CNTNAP5: variants seen among roughly 807,000 people sequenced by gnomAD.
CNTNAP5 encodes contactin associated protein family member 5, also known as contactin-associated protein-like 5.
In CNTNAP5, 72 loss-of-function variants were observed where a neutral mutation model predicts 150.2. The ratio of observed to expected loss-of-function variants is 0.48; its 90% confidence interval spans 0.40 to 0.58. The LOEUF (loss-of-function observed/expected upper bound fraction) is 0.58, where lower values mean the gene tolerates loss of function less well. Ranked by LOEUF, CNTNAP5 falls within the 20% of genes least tolerant of loss-of-function variation. CNTNAP5 has a pLI of 0.00. For synonymous variants in CNTNAP5, 672 were observed against 619.8 expected (o/e 1.08, Z -1.25); for missense variants, 1,636 against 1,626.2 (o/e 1.01, Z -0.10).
intron 3 of CNTNAP5, among the ~76,000 whole-genome samples, chr2:124,337,590 G>A (rs1032165237): frequency 4.6e-5 from 7 of 152,072 alleles, no homozygotes; most frequent in East Asian, 1.9e-4. Context: ...CTTTGTACAT[G>A]TGGCTAGCCA....
intron 3 of CNTNAP5, among the ~76,000 whole-genome samples, chr2:124,401,871 C>T (rs1040761652): frequency 1.3e-5 from 2 of 152,128 alleles, no homozygotes; most frequent in Non-Finnish European, 1.5e-5. Flanking sequence ...CTGCCTGGGG[C>T]CAGGTGCTGG....
At chr2:124,095,399 G>T (rs963796248) in intron 1 of CNTNAP5, among the ~76,000 whole-genome samples, 6 of 152,122 alleles carry the variant, frequency 3.9e-5, no homozygotes, top group Non-Finnish European at 8.8e-5. Flanking sequence ...ATGCATGCGG[G>T]TCTTAAAAGC....
intron 13 of CNTNAP5, among the ~76,000 whole-genome samples, chr2:124,706,786 AAGAAGAAGAAGG>A (rs1368846085): frequency 9.0e-5 from 3 of 33,206 alleles, no homozygotes; most frequent in Non-Finnish European, 1.9e-4. Context: ...GAAGAAGAAG[AAGAAGAAGAAGG>A]AGGAGGAGGA....
intron 3 of CNTNAP5, among the ~76,000 whole-genome samples, chr2:124,279,730 T>C (rs1687967844): frequency 6.6e-6 from 1 of 152,024 alleles, no homozygotes; most frequent in South Asian, 2.1e-4. Flanking sequence ...CGGCTGTAAA[T>C]AGGGTAGAGA....
intron 12 of CNTNAP5, among the ~76,000 whole-genome samples, chr2:124,614,149 G>A (rs1437556337): frequency 6.6e-6 from 1 of 152,178 alleles, no homozygotes; most frequent in African/African-American, 2.4e-5. Flanking sequence ...TGAAAGTGCT[G>A]TAGTTTTAAT....
chr2:124,835,676 T>G lies in CNTNAP5; in HGVS notation c.3218-29630T>G, dbSNP rs72963824. 4.9e-3 allele frequency among the ~76,000 whole-genome samples: 743 copies of G among 152,272 alleles called. 9 individuals are homozygous for G. Among genetic ancestry groups the G allele is most frequent in the African/African-American group, 0.017 (704 of 41,560 alleles). On this transcript the variant is annotated intron_variant, in intron 19 of 23. Coordinates refer to ENST00000682447, the MANE Select transcript of CNTNAP5 (RefSeq NM_001367498.1). ...CTGGACAATTACTGTTTGTAGGATA[T>G]CTGTTATATGGTGTGCAAGCCTGGA...
chr2:124,551,015 A>G (rs1050142329), intron 10 of CNTNAP5, among the ~76,000 whole-genome samples: 1 of 152,118 alleles, frequency 6.6e-6, no homozygotes. Flanking sequence ...AGAACTGAGC[A>G]CTTCAGGGTC....
At chr2:124,173,036 T>C (rs975509397) in intron 1 of CNTNAP5, among the ~76,000 whole-genome samples, 1 of 152,184 alleles carries the variant, frequency 6.6e-6, no homozygotes, top group South Asian at 2.1e-4. Context: ...CAGTTATTAT[T>C]ATAACTGTTA....
intron 1 of CNTNAP5, among the ~76,000 whole-genome samples, chr2:124,150,306 C>T (rs377605191): frequency 2.0e-5 from 3 of 152,054 alleles, no homozygotes; most frequent in East Asian, 1.9e-4. Context: ...GGTGTATATC[C>T]CAGCCTCTGT....
rs1694355473 is a variant in CNTNAP5 at position 124,504,481 on chromosome 2, C to G, written c.1252C>G (p.Leu418Val). The change falls in exon 8 of 24, where the codon CTG becomes GTG. Residue 418 changes from leucine to valine, a missense_variant. Physicochemically the swap from Leu to Val is conservative, Grantham distance 32. Transcript: ENST00000682447. ...GCTGTCTGAGGGCTCGGGAACCCTG[C>G]TGCTGAGCCTGGAGGGTGGAATCCT... ...TELSEGSGTL[L>V]LSLEGGILRL... 6.2e-7 allele frequency: 1 copy of G among 1,613,802 alleles called. No individual in the cohort carries two copies. Among genetic ancestry groups the G allele is most frequent in the East Asian group, 2.2e-5 (1 of 44,824 alleles).
chr2:124,045,118 G>A (rs1334815980), intron 1 of CNTNAP5, among the ~76,000 whole-genome samples: 2 of 151,990 alleles, frequency 1.3e-5, no homozygotes, highest in African/African-American at 4.8e-5. Flanking sequence ...ACAGAAACTT[G>A]ATATCAATGA....
chr2:124,791,194 A>G (rs911889055), intron 18 of CNTNAP5, among the ~76,000 whole-genome samples: 4 of 152,196 alleles, frequency 2.6e-5, no homozygotes, highest in Non-Finnish European at 5.9e-5. Flanking sequence ...AAAAGGGAAA[A>G]AAAGCACTCA....
At chr2:124,468,646 C>A (rs1693435870) in intron 6 of CNTNAP5, among the ~76,000 whole-genome samples, 1 of 152,140 alleles carries the variant, frequency 6.6e-6, no homozygotes, top group African/African-American at 2.4e-5. Flanking sequence ...TTGCATCCTT[C>A]TATCAAGTTG....
chr2:124,494,825 A>G (rs528052357), intron 7 of CNTNAP5, among the ~76,000 whole-genome samples: 1 of 152,352 alleles, frequency 6.6e-6, no homozygotes, highest in South Asian at 2.1e-4. Context: ...CTAATTTCCT[A>G]ATAGCAATTA....
intron 3 of CNTNAP5, among the ~76,000 whole-genome samples, chr2:124,267,019 C>A (rs1278708187): frequency 6.6e-6 from 1 of 150,426 alleles, no homozygotes; most frequent in Non-Finnish European, 1.5e-5. Flanking sequence ...TATTTACTGT[C>A]CTCATTATCA....
At chr2:124,467,539 A>T (rs1693406625) in intron 6 of CNTNAP5, among the ~76,000 whole-genome samples, 1 of 152,146 alleles carries the variant, frequency 6.6e-6, no homozygotes, top group African/African-American at 2.4e-5. Flanking sequence ...AGTTTTGGTA[A>T]ATCAGACAAA....
At chr2:124,832,328 G>A (rs1682733221) in intron 19 of CNTNAP5, among the ~76,000 whole-genome samples, 1 of 151,958 alleles carries the variant, frequency 6.6e-6, no homozygotes, top group Admixed American at 6.6e-5. Context: ...AGTACCATAT[G>A]ACACAACATA....
intron 7 of CNTNAP5, among the ~76,000 whole-genome samples, chr2:124,491,436 T>G (rs1694023303): frequency 1.0e-5 from 1 of 96,870 alleles, no homozygotes; most frequent in Non-Finnish European, 2.1e-5. Flanking sequence ...TGTGTTTATA[T>G]ATATACACAC....
intron 13 of CNTNAP5, among the ~76,000 whole-genome samples, chr2:124,669,439 G>C (rs2105054999): frequency 6.6e-6 from 1 of 152,292 alleles, no homozygotes; most frequent in Admixed American, 6.5e-5. Context: ...CTGTACTTCT[G>C]CTACCTTGTT....
Sources: gnomAD v4.1 joint callset for allele counts (sites outside exome capture counted in the v4.1 genomes callset) on GRCh38, gnomAD v4.1.1 for gene constraint, MANE v1.5 for transcripts, NCBI Gene and HGNC (gene_info 2026-07-23, HGNC 2026-07-21) for gene names.